The following TMEM181 variants were observed in gnomAD, a reference collection of about 807,000 sequenced individuals.
TMEM181 encodes the protein G protein-coupled receptor 178.
TMEM181 carries 39 observed loss-of-function variants against 71.9 expected under a neutral mutation model. That is an observed-to-expected ratio of 0.54 (90% CI 0.42 to 0.71). TMEM181 has a LOEUF of 0.71. Ranked by LOEUF, TMEM181 falls within the 30% of genes least tolerant of loss-of-function variation. TMEM181 has a pLI of 0.00. For synonymous variants in TMEM181, 245 were observed against 228.8 expected, an observed-to-expected ratio of 1.07 and a Z score of -0.64; for missense variants, 595 against 583.0, an observed-to-expected ratio of 1.02 and a Z score of -0.21.
At chr6:158,537,634 TATCGCGA>T (rs1426801185) in intron 1 of TMEM181, among the ~76,000 whole-genome samples, 1 of 152,182 alleles carries the variant, frequency 6.6e-6, no homozygotes. Context: ...GACAGGACCC[TATCGCGA>T]GTCGGTAGAA....
intron 7 of TMEM181, 148 bp downstream of exon 7, chr6:158,605,495 T>C: frequency 1.3e-6 from 1 of 744,808 alleles, no homozygotes. Context: ...TACAACTCTG[T>C]GTGTCTGCCG....
chr6:158,611,052 C>T, intron 10 of TMEM181: 1 of 456,614 alleles, frequency 2.2e-6, no homozygotes, highest in Non-Finnish European at 4.3e-6. Flanking sequence ...ATGAGAGAGT[C>T]ATCCAGAAAC....
chr6:158,537,857 G>C (rs1247631095), intron 1 of TMEM181, among the ~76,000 whole-genome samples: 2 of 152,188 alleles, frequency 1.3e-5, no homozygotes, highest in Admixed American at 1.3e-4. Flanking sequence ...AAAAAGGCGT[G>C]TCACACTTAT....
At chr6:158,592,895 G>A (rs748126804) in intron 6 of TMEM181, among the ~76,000 whole-genome samples, 2 of 152,086 alleles carry the variant, frequency 1.3e-5, no homozygotes, top group Admixed American at 1.3e-4. Context: ...ACTCCAGCCT[G>A]GGTGACAGAG....
At chr6:158,574,347 A>C (rs1158709602) in intron 2 of TMEM181, among the ~76,000 whole-genome samples, 1 of 152,202 alleles carries the variant, frequency 6.6e-6, no homozygotes. Flanking sequence ...TGATGGTGAT[A>C]ATAGCAGCTG....
At chr6:158,611,649 C>T (rs1785318959) in intron 10 of TMEM181, 3 of 309,902 alleles carry the variant, frequency 9.7e-6, no homozygotes, top group South Asian at 8.9e-5. Flanking sequence ...TCCCTGAGTG[C>T]TCTGAATCAG....
intron 5 of TMEM181, among the ~76,000 whole-genome samples, chr6:158,585,753 T>C (rs1019623818): frequency 2.0e-5 from 3 of 152,206 alleles, no homozygotes; most frequent in Admixed American, 1.3e-4. Context: ...TTCTGCCCAG[T>C]GTGTCCCTAA....
chr6:158,556,361 C>T (rs1781888444), upstream of TMEM181, among the ~76,000 whole-genome samples: 1 of 152,200 alleles, frequency 6.6e-6, no homozygotes, highest in Non-Finnish European at 1.5e-5. Context: ...GATTCCATTT[C>T]TGACACATTT....
At chr6:158,609,857 A>G in intron 10 of TMEM181, 1 of 237,660 alleles carries the variant, frequency 4.2e-6, no homozygotes, top group Middle Eastern at 5.0e-4. Context: ...GCTAGGGAGG[A>G]AGTAGGGAGC....
chr6:158,537,753 T>G (rs1338997241), intron 1 of TMEM181, among the ~76,000 whole-genome samples: 1 of 152,204 alleles, frequency 6.6e-6, no homozygotes, highest in Non-Finnish European at 1.5e-5. Context: ...TTACTCACTC[T>G]GTGCTAAGGA....
In TMEM181 at chr6:158,631,403, C is replaced by A; in HGVS notation, c.1349+14C>A. ...TGTGATTTATGGGTAAGTCCCTGTC[C>A]GTTAGAAGGCCGGCACACCTTGGGC... On this transcript the variant is annotated intron_variant, in intron 16 of 16. Transcript: ENST00000684151. 2 of 1,614,020 alleles carry A rather than the reference C, an allele frequency of 1.2e-6. No homozygotes were observed. Among genetic ancestry groups the A allele is most frequent in the Non-Finnish European group, 1.7e-6 (2 of 1,179,892 alleles).
chr6:158,545,352 C>A (rs1781492819), intron 1 of TMEM181, among the ~76,000 whole-genome samples: 1 of 152,272 alleles, frequency 6.6e-6, no homozygotes, highest in Non-Finnish European at 1.5e-5. Flanking sequence ...GGACTGGCCT[C>A]CCCTGGCCTT....
intron 2 of TMEM181, among the ~76,000 whole-genome samples, chr6:158,577,061 CAAAAAAA>C (rs5881280): frequency 9.2e-5 from 7 of 76,058 alleles, no homozygotes; most frequent in East Asian, 6.8e-4. Context: ...GACTCCATCT[CAAAAAAA>C]AAAAAAAAAA....
intron 6 of TMEM181, among the ~76,000 whole-genome samples, chr6:158,591,160 A>G (rs1425754939): frequency 6.6e-6 from 1 of 152,092 alleles, no homozygotes; most frequent in Non-Finnish European, 1.5e-5. Flanking sequence ...ACACAAAATG[A>G]GTTTTTTTCT....
At chr6:158,605,155 T>G in intron 6 of TMEM181, 112 bp from the exon 7 acceptor site, 4 of 630,856 alleles carry the variant, frequency 6.3e-6, no homozygotes, top group Non-Finnish European at 1.1e-5. Context: ...TGTGTGTGTG[T>G]GTGTATGTGT....
chr6:158,598,943 G>C (rs1047022410), intron 6 of TMEM181, among the ~76,000 whole-genome samples: 2 of 152,290 alleles, frequency 1.3e-5, no homozygotes, highest in South Asian at 4.2e-4. Flanking sequence ...TTACAGGCGT[G>C]AGCCACCGCA....
intron 1 of TMEM181, among the ~76,000 whole-genome samples, chr6:158,554,411 G>A (rs926908059): frequency 2.0e-5 from 3 of 152,156 alleles, no homozygotes; most frequent in Non-Finnish European, 4.4e-5. Flanking sequence ...GTAGAGATGG[G>A]ATTTTGCCAT....
chr6:158,623,159 A>T (rs1360086952), intron 10 of TMEM181, among the ~76,000 whole-genome samples: 1 of 152,194 alleles, frequency 6.6e-6, no homozygotes, highest in African/African-American at 2.4e-5. Flanking sequence ...TTTGAAAATC[A>T]ATCTCATGGA....
At chr6:158,555,962 C>A (rs950676775), upstream of TMEM181, among the ~76,000 whole-genome samples, 7 of 152,214 alleles carry the variant, frequency 4.6e-5, no homozygotes, top group Non-Finnish European at 1.0e-4. Flanking sequence ...CAAGCTTTAA[C>A]TCAGCATGCA....
Sources: gnomAD v4.1 joint callset for allele counts (sites outside exome capture counted in the v4.1 genomes callset) on GRCh38, gnomAD v4.1.1 for gene constraint, MANE v1.5 for transcripts, NCBI Gene and HGNC (gene_info 2026-07-23, HGNC 2026-07-21) for gene names.